The following CPA6 variants were observed in gnomAD, a reference collection of about 807,000 sequenced individuals.
CPA6 encodes the protein carboxypeptidase A6, also known as carboxypeptidase B.
Under a neutral mutation model 63.3 loss-of-function variants are expected in CPA6, and 58 were observed. The observed-to-expected ratio is 0.92, with a 90% CI of 0.74 to 1.14. The LOEUF (loss-of-function observed/expected upper bound fraction) is 1.14, where lower values mean the gene tolerates loss of function less well. Among genes scored for constraint, CPA6 ranks in the 50% most tolerant of loss-of-function variants. The probability of loss-of-function intolerance (pLI) is 0.00; values close to 1 mark genes in which losing one functional copy is unlikely to be tolerated. For missense variants in CPA6, 565 were observed against 526.6 expected (o/e 1.07, Z -0.71); for synonymous variants, 185 against 179.0 (o/e 1.03, Z -0.27).
rs67842734 is a variant in CPA6 at position 67,713,099 on chromosome 8, G to GTATATATATA, written c.116+32905_116+32914dup. 2.9e-3 allele frequency among the ~76,000 whole-genome samples: 161 copies of GTATATATATA among 54,992 alleles called. 2 individuals carry two copies. The highest frequency in any genetic ancestry group is 9.4e-3 in the South Asian group (10 of 1,066). 36.1% of individuals were successfully genotyped at this position (54,992 alleles called of 152,430 possible). On this transcript the variant is annotated intron_variant, in intron 1 of 10. Coordinates refer to ENST00000297770, the MANE Select transcript of CPA6 (RefSeq NM_020361.5). ...TGTGTGTGTATGTGTGTGTGTGTGT[G>GTATATATATA]TATATATATATATATATATATATAT...
intron 5 of CPA6, among the ~76,000 whole-genome samples, chr8:67,508,220 A>G (rs181663617): frequency 6.6e-6 from 1 of 152,184 alleles, no homozygotes; most frequent in Non-Finnish European, 1.5e-5. Flanking sequence ...CTATGAGGAC[A>G]AGAGAAGCAA....
At chr8:67,540,721 G>A (rs1430523768) in intron 2 of CPA6, among the ~76,000 whole-genome samples, 1 of 152,252 alleles carries the variant, frequency 6.6e-6, no homozygotes, top group Non-Finnish European at 1.5e-5. Flanking sequence ...GGAATCTAGA[G>A]AGGCAGTCTG....
At chr8:67,422,990 C>G (rs904303747) in intron 10 of CPA6, among the ~76,000 whole-genome samples, 1 of 152,216 alleles carries the variant, frequency 6.6e-6, no homozygotes, top group Non-Finnish European at 1.5e-5. Flanking sequence ...CTTCATTCAC[C>G]TATAAACAAC....
chr8:67,623,875 T>C (rs1055271576), intron 2 of CPA6, among the ~76,000 whole-genome samples: 1 of 151,980 alleles, frequency 6.6e-6, no homozygotes, highest in Non-Finnish European at 1.5e-5. Flanking sequence ...CTGGCCAGCA[T>C]AGTGAAACCC....
intron 8 of CPA6, among the ~76,000 whole-genome samples, chr8:67,457,744 G>A (rs1563960481): frequency 6.6e-6 from 1 of 152,050 alleles, no homozygotes; most frequent in Non-Finnish European, 1.5e-5. Flanking sequence ...ATCAGTGTCA[G>A]TTCCTCAGCA....
chr8:67,740,514 A>T (rs999518951), intron 1 of CPA6, among the ~76,000 whole-genome samples: 3 of 152,200 alleles, frequency 2.0e-5, no homozygotes, highest in Middle Eastern at 3.2e-3. Flanking sequence ...TTTTGTCTTC[A>T]GTATGCCACA....
chr8:67,434,216 C>T lies in CPA6; in HGVS notation c.863G>A (p.Cys288Tyr). ...WCDEGASMHP[C>Y]DDTYCGPFPE... is the part of the protein sequence containing the mutation. ...AAAAGGGCCACAGTATGTGTCATCA[C>T]AAGGGTGCATAGAAGCTCCTTCATC... The change falls in exon 9 of 11, where the codon TGT becomes TAT. Residue 288 changes from cysteine to tyrosine, a missense_variant. Transcript: ENST00000297770. 6.2e-7 allele frequency: 1 copy of T among 1,614,088 alleles called. No individual in the cohort carries two copies. Among genetic ancestry groups the T allele is most frequent in the Admixed American group, 1.7e-5 (1 of 60,020 alleles).
At chr8:67,493,365 C>T (rs948452582) in intron 6 of CPA6, among the ~76,000 whole-genome samples, 2 of 152,156 alleles carry the variant, frequency 1.3e-5, no homozygotes, top group Non-Finnish European at 2.9e-5. Flanking sequence ...CCCTGGAGAG[C>T]TTTTGGATCC....
intron 3 of CPA6, among the ~76,000 whole-genome samples, chr8:67,513,792 A>G (rs1406366334): frequency 6.6e-6 from 1 of 152,088 alleles, no homozygotes; most frequent in Non-Finnish European, 1.5e-5. Context: ...GGTCTTTGTA[A>G]ACTGTTGTAG....
chr8:67,746,078 A>C lies in CPA6; in HGVS notation c.52T>G (p.Cys18Gly). 1 of 1,614,018 alleles carries C rather than the reference A, an allele frequency of 6.2e-7. No homozygotes were observed. The highest frequency in any genetic ancestry group is 1.1e-5 in the South Asian group (1 of 91,046). The change falls in exon 1 of 11, where the codon TGC becomes GGC. Residue 18 changes from cysteine to glycine, a missense_variant. Transcript: ENST00000297770. Reference protein sequence around the residue: ...RGQAAAFLPLCWLFLKILQPG... With the variant: ...RGQAAAFLPLGWLFLKILQPG... ...TGCAGAATCTTCAAAAAGAGCCAGC[A>C]AAGAGGCAGGAAAGCAGCTGCCTGG...
At chr8:67,738,095 C>CAAA (rs372516828) in intron 1 of CPA6, among the ~76,000 whole-genome samples, 1 of 150,298 alleles carries the variant, frequency 6.7e-6, no homozygotes, top group African/African-American at 2.4e-5. Flanking sequence ...ATTGTTATTT[C>CAAA]AAAAAAAAAC....
chr8:67,542,966 T>A (rs1402404551), intron 2 of CPA6, among the ~76,000 whole-genome samples: 1 of 152,218 alleles, frequency 6.6e-6, no homozygotes, highest in African/African-American at 2.4e-5. Context: ...GAACCTATAT[T>A]AACCATATCT....
At chr8:67,597,633 G>A (rs1814380710) in intron 2 of CPA6, among the ~76,000 whole-genome samples, 1 of 152,090 alleles carries the variant, frequency 6.6e-6, no homozygotes, top group African/African-American at 2.4e-5. Context: ...TATCCACTGA[G>A]TTTCTAATTT....
intron 2 of CPA6, among the ~76,000 whole-genome samples, chr8:67,621,501 G>T (rs912815010): frequency 2.0e-5 from 3 of 152,168 alleles, no homozygotes; most frequent in Non-Finnish European, 4.4e-5. Context: ...GGCCTCATTT[G>T]GGTCCTAGAG....
rs756306763 is a variant in CPA6, at chr8:67,517,986, T to C, written c.254A>G (p.His85Arg). The C allele has an allele frequency of 1.3e-5, 21 of 1,613,266 alleles. No individual in the cohort carries two copies. Among genetic ancestry groups the C allele is most frequent in the Non-Finnish European group, 1.7e-5 (20 of 1,179,672 alleles). Residue 85 changes from histidine (H) to arginine (R), a missense_variant, in exon 3 of 11, where the codon CAT (histidine) becomes CGT (arginine). Transcript: ENST00000297770. Reference protein sequence around the residue: ...YVSEGTVTDVHIPQNGSRALL... With the variant: ...YVSEGTVTDVRIPQNGSRALL... Reference sequence around the variant, plus strand: ...GGCTCGGGAACCATTTTGGGGGATATGGACATCAGTAACTGTTCCCTCTGA... The same window carrying C: ...GGCTCGGGAACCATTTTGGGGGATACGGACATCAGTAACTGTTCCCTCTGA...
intron 1 of CPA6, among the ~76,000 whole-genome samples, chr8:67,727,255 C>T (rs1310905323): frequency 6.6e-6 from 1 of 152,050 alleles, no homozygotes; most frequent in East Asian, 1.9e-4. Context: ...ATAGCAAAAC[C>T]AAAACTACTG....
chr8:67,540,179 T>TA (rs1247318597), intron 2 of CPA6, among the ~76,000 whole-genome samples: 1 of 148,456 alleles, frequency 6.7e-6, no homozygotes, highest in Non-Finnish European at 1.5e-5. Context: ...CTTTGGATGG[T>TA]TTTTTTTTTC....
intron 2 of CPA6, among the ~76,000 whole-genome samples, chr8:67,589,363 G>T (rs754109019): frequency 2.6e-5 from 4 of 152,178 alleles, no homozygotes; most frequent in African/African-American, 4.8e-5. Context: ...ATACCTTGTG[G>T]AAGAATCTTC....
rs558373229 is a variant in CPA6, at chr8:67,578,640, G to C, written c.192+45536C>G. ...TTATGGGTCCCTGTTACTATAATGA[G>C]TTTTGAAGTTCAAGAAGCTTTTGCA... On this transcript the variant is annotated intron_variant, in intron 2 of 10. Coordinates refer to ENST00000297770, the MANE Select transcript of CPA6 (RefSeq NM_020361.5). Among the ~76,000 whole-genome samples, 11 of 152,208 alleles carry C rather than the reference G, an allele frequency of 7.2e-5. No homozygotes were observed. In the South Asian group the frequency reaches 1.7e-3, roughly 23 times the overall value.
Sources: gnomAD v4.1 joint callset for allele counts (sites outside exome capture counted in the v4.1 genomes callset) on GRCh38, gnomAD v4.1.1 for gene constraint, MANE v1.5 for transcripts, NCBI Gene and HGNC (gene_info 2026-07-23, HGNC 2026-07-21) for gene names.